FBXO10: variants seen among roughly 807,000 people sequenced by gnomAD.
The protein encoded by FBXO10 is F-box protein 10.
A neutral mutation model predicts 80.7 loss-of-function variants in FBXO10; 39 were observed. The observed-to-expected ratio is 0.48, with a 90% CI of 0.37 to 0.63. The LOEUF (loss-of-function observed/expected upper bound fraction) is 0.63. Ranked by LOEUF, FBXO10 falls within the 30% of genes least tolerant of loss-of-function variation. The pLI is 0.00. For synonymous variants in FBXO10, 449 were observed against 489.6 expected (o/e 0.92, Z 1.09); for missense variants, 1,025 against 1,269.0 (o/e 0.81, Z 2.92).
intron 1 of FBXO10, among the ~76,000 whole-genome samples, chr9:37,565,722 G>C (rs1440894469): frequency 1.3e-5 from 2 of 152,224 alleles, no homozygotes; most frequent in African/African-American, 4.8e-5. Flanking sequence ...TCACTCGTTA[G>C]AGAGGTGCAG....
intron 2 of FBXO10, among the ~76,000 whole-genome samples, chr9:37,540,786 T>G (rs1028683422): frequency 1.3e-5 from 2 of 152,192 alleles, no homozygotes; most frequent in African/African-American, 4.8e-5. Flanking sequence ...CTGTATAGCC[T>G]TTTTCCTCTG....
At chr9:37,561,907 C>T (rs1227448530) in intron 1 of FBXO10, among the ~76,000 whole-genome samples, 1 of 152,202 alleles carries the variant, frequency 6.6e-6, no homozygotes, top group Non-Finnish European at 1.5e-5. Context: ...CATTTAAAGC[C>T]ATGGCATGGA....
At chr9:37,544,892 G>A (rs941280420) in intron 1 of FBXO10, among the ~76,000 whole-genome samples, 6 of 151,224 alleles carry the variant, frequency 4.0e-5, no homozygotes, top group Admixed American at 4.0e-4. Context: ...TACTCGGGAG[G>A]CTGAGGCAGG....
At chr9:37,526,075 G>T (rs991319247) in intron 5 of FBXO10, among the ~76,000 whole-genome samples, 1 of 151,838 alleles carries the variant, frequency 6.6e-6, no homozygotes. Flanking sequence ...CTGGAGAAGT[G>T]TGTGTATGTG....
intron 1 of FBXO10, among the ~76,000 whole-genome samples, chr9:37,556,797 G>C (rs1822347660): frequency 6.6e-6 from 1 of 152,072 alleles, no homozygotes; most frequent in Non-Finnish European, 1.5e-5. Flanking sequence ...TGTCCGTCTT[G>C]TCCTCCCAAA....
intron 1 of FBXO10, among the ~76,000 whole-genome samples, chr9:37,549,290 C>T (rs1026067336): frequency 1.3e-5 from 2 of 152,116 alleles, no homozygotes; most frequent in Admixed American, 6.5e-5. Flanking sequence ...CCACAGCACC[C>T]AGAGAACAGC....
In FBXO10 at chr9:37,515,938, T is replaced by C. The variant is rs1821169035; in HGVS notation, c.2662A>G (p.Met888Val). ...QQISNNRECI[M>V]QNNKFLVFKK... Reference sequence around the variant, plus strand: ...AAGACCAGGAACTTGTTGTTTTGCATGATGCATTCTCGGTTGTTTGAGATC... The same window carrying C: ...AAGACCAGGAACTTGTTGTTTTGCACGATGCATTCTCGGTTGTTTGAGATC... Residue 888 changes from methionine (M) to valine (V), a missense_variant, in exon 10 of 11, where the codon ATG becomes GTG. Around this residue, in one of 3 missense-constraint regions of FBXO10, gnomAD observed 97 missense variants for 101.8 expected, o/e 0.95. Coordinates refer to ENST00000432825, the MANE Select transcript of FBXO10 (RefSeq NM_012166.3). 1.5e-5 allele frequency: 24 copies of C among 1,613,966 alleles called. No homozygotes were observed. The highest frequency in any genetic ancestry group is 2.0e-5 in the Non-Finnish European group (24 of 1,179,874).
intron 4 of FBXO10, among the ~76,000 whole-genome samples, chr9:37,529,773 C>A (rs2119088662): frequency 6.6e-6 from 1 of 152,090 alleles, no homozygotes; most frequent in South Asian, 2.1e-4. Flanking sequence ...CACTGGGGGG[C>A]CAAGCTGTCC....
chr9:37,562,539 C>G (rs1822506356), intron 1 of FBXO10, among the ~76,000 whole-genome samples: 1 of 152,202 alleles, frequency 6.6e-6, no homozygotes, highest in Non-Finnish European at 1.5e-5. Context: ...TTGTCTGTCT[C>G]CCCTGAGTAA....
At chr9:37,516,967 A>AC (rs1451027685) in intron 9 of FBXO10, among the ~76,000 whole-genome samples, 1 of 151,656 alleles carries the variant, frequency 6.6e-6, no homozygotes, top group Non-Finnish European at 1.5e-5. Context: ...TCTCAAAAAA[A>AC]AAAAAAACAA....
chr9:37,572,850 AAAAC>A (rs1822793937), intron 1 of FBXO10, among the ~76,000 whole-genome samples: 1 of 152,248 alleles, frequency 6.6e-6, no homozygotes, highest in African/African-American at 2.4e-5. Context: ...CAAAAAGTTT[AAAAC>A]AAATAAATGA....
intron 1 of FBXO10, among the ~76,000 whole-genome samples, chr9:37,546,969 C>A (rs998201612): frequency 1.3e-5 from 2 of 152,230 alleles, no homozygotes; most frequent in Non-Finnish European, 2.9e-5. Flanking sequence ...GCATGAGCCA[C>A]CGCACCTGGC....
chr9:37,569,014 T>C (rs1231125770), intron 1 of FBXO10, among the ~76,000 whole-genome samples: 1 of 152,042 alleles, frequency 6.6e-6, no homozygotes, highest in Non-Finnish European at 1.5e-5. Context: ...TAAACAAAAA[T>C]ACATCAGTGG....
chr9:37,513,301 CCT>C (rs1417718370), intron 10 of FBXO10, among the ~76,000 whole-genome samples: 20 of 152,264 alleles, frequency 1.3e-4, no homozygotes, highest in Admixed American at 1.3e-3. Context: ...GCCAGCTTTT[CCT>C]CTTTCATTTC....
chr9:37,512,855 AGTTTAGT>A, intron 10 of FBXO10, 134 bp from the exon 11 acceptor site: 1 of 907,132 alleles, frequency 1.1e-6, no homozygotes, highest in Non-Finnish European at 1.6e-6. Context: ...TTTATCTTCC[AGTTTAGT>A]GTTAGTCCAA....
chr9:37,545,215 C>T (rs1231841878), intron 1 of FBXO10, among the ~76,000 whole-genome samples: 3 of 132,156 alleles, frequency 2.3e-5, no homozygotes, highest in Non-Finnish European at 4.6e-5. Context: ...CTCACTCTAC[C>T]ACCCAGACTG....
chr9:37,517,025 C>A (rs778611110), intron 9 of FBXO10, among the ~76,000 whole-genome samples: 1 of 149,730 alleles, frequency 6.7e-6, no homozygotes, highest in Non-Finnish European at 1.5e-5. Flanking sequence ...AGCCATAAAA[C>A]AGAATGAAAT....
rs373225604 is a variant in FBXO10 at position 37,521,819 on chromosome 9, C to T, written c.1950G>A (p.Val650=). The T allele has an allele frequency of 1.1e-4, 183 of 1,595,754 alleles. No individual in the cohort carries two copies. The highest frequency in any genetic ancestry group is 1.5e-4 in the Non-Finnish European group (178 of 1,174,868). The change falls in exon 8 of 11, where the codon GTG becomes GTA. Residue 650 remains valine (V), a synonymous_variant. Transcript: ENST00000432825. ...NTIYANKGCG[V]WMMSSSLPHV... ...GGGGGAGGCTGGACGACATCATCCA[C>T]ACACCACAGCCCTTGTTAGCTGGGA... is the stretch of plus-strand genomic sequence containing the variant.
chr9:37,535,416 T>C (rs1227701609), intron 3 of FBXO10, among the ~76,000 whole-genome samples: 1 of 152,078 alleles, frequency 6.6e-6, no homozygotes, highest in Non-Finnish European at 1.5e-5. Flanking sequence ...TGGCGCAATC[T>C]TGGCTTTCAC....
Sources: gnomAD v4.1 joint callset for allele counts (sites outside exome capture counted in the v4.1 genomes callset) on GRCh38, gnomAD v4.1.1 for gene constraint, gnomAD v4.1.1 regional missense constraint, MANE v1.5 for transcripts, NCBI Gene and HGNC (gene_info 2026-07-23, HGNC 2026-07-21) for gene names.